Variants in PCDH9 observed in about 807,000 individuals in gnomAD.
PCDH9 encodes protocadherin-9.
PCDH9 carries 24 observed loss-of-function variants against 70.6 expected under a neutral mutation model. That is an observed-to-expected ratio of 0.34 (90% CI 0.25 to 0.48). PCDH9 has a LOEUF of 0.48. Among genes scored for constraint, PCDH9 ranks in the 20% least tolerant of loss-of-function variants. PCDH9 has a pLI of 0.99. For missense variants in PCDH9, 1,281 were observed against 1,503.6 expected (o/e 0.85, Z 2.45); for synonymous variants, 562 against 558.5 (o/e 1.01, Z -0.09).
In PCDH9 at chr13:66,481,997, C is replaced by T. The variant is rs529377728; in HGVS notation, c.3340+149213G>A. On this transcript the variant is annotated intron_variant, in intron 4 of 4. Coordinates refer to ENST00000377865, the MANE Select transcript of PCDH9 (RefSeq NM_203487.3). ...AATCAATCAACAGTGAAAAATAAAA[C>T]ACAAATTCTAAGTTCTTTAACCCAG... Among the ~76,000 whole-genome samples, 4 of 151,928 alleles carry T rather than the reference C, an allele frequency of 2.6e-5. No homozygotes were observed. In the South Asian group the frequency reaches 8.3e-4, roughly 32 times the overall value.
chr13:66,647,643 G>A (rs1297902067), intron 3 of PCDH9, among the ~76,000 whole-genome samples: 1 of 152,074 alleles, frequency 6.6e-6, no homozygotes, highest in Non-Finnish European at 1.5e-5. Flanking sequence ...GGCTATGGGA[G>A]AGAAAAATCT....
At chr13:66,907,031 C>A (rs2082373563) in intron 2 of PCDH9, among the ~76,000 whole-genome samples, 1 of 151,914 alleles carries the variant, frequency 6.6e-6, no homozygotes, top group Admixed American at 6.6e-5. Context: ...CATGGCAAAA[C>A]CCCGTCTACT....
chr13:66,412,240 C>T (rs1455155674), intron 4 of PCDH9, among the ~76,000 whole-genome samples: 2 of 152,180 alleles, frequency 1.3e-5, no homozygotes, highest in East Asian at 1.9e-4. Flanking sequence ...CAGCTCACTG[C>T]AGCCTCAGCC....
At chr13:66,353,720 A>C (rs1292664509) in intron 4 of PCDH9, among the ~76,000 whole-genome samples, 3 of 152,062 alleles carry the variant, frequency 2.0e-5, no homozygotes, top group African/African-American at 7.2e-5. Context: ...TAGTTGTAAA[A>C]TGTAATACAA....
chr13:66,829,700 A>G (rs2080888973), intron 3 of PCDH9, among the ~76,000 whole-genome samples: 2 of 122,300 alleles, frequency 1.6e-5, no homozygotes, highest in South Asian at 6.1e-4. Flanking sequence ...CCTGGGCGAC[A>G]GAGCGAGACT....
At chr13:66,698,879 G>A (rs2078597202) in intron 3 of PCDH9, among the ~76,000 whole-genome samples, 2 of 147,482 alleles carry the variant, frequency 1.4e-5, no homozygotes, top group African/African-American at 2.5e-5. Context: ...GAGACACTTC[G>A]CCCGGCTCAA....
At chr13:66,764,562 A>G (rs1230694969) in intron 3 of PCDH9, among the ~76,000 whole-genome samples, 1 of 152,088 alleles carries the variant, frequency 6.6e-6, no homozygotes, top group African/African-American at 2.4e-5. Context: ...GCATAATGTA[A>G]TTTTAGAATT....
At chr13:66,553,613 T>C (rs1040642213) in intron 4 of PCDH9, among the ~76,000 whole-genome samples, 1 of 152,158 alleles carries the variant, frequency 6.6e-6, no homozygotes, top group Non-Finnish European at 1.5e-5. Flanking sequence ...TCAACAGAAA[T>C]GTGATTTGAG....
chr13:66,580,566 T>C (rs1188139121), intron 4 of PCDH9, among the ~76,000 whole-genome samples: 1 of 151,786 alleles, frequency 6.6e-6, no homozygotes, highest in Non-Finnish European at 1.5e-5. Flanking sequence ...TCTGGGGTGA[T>C]AAAACTGTTG....
intron 3 of PCDH9, among the ~76,000 whole-genome samples, chr13:66,828,686 G>A (rs1436048372): frequency 1.3e-5 from 2 of 151,970 alleles, no homozygotes; most frequent in African/African-American, 2.4e-5. Flanking sequence ...TTAAGAAAAA[G>A]AGACAGAGAG....
chr13:66,388,520 A>AT (rs1956967894), intron 4 of PCDH9, among the ~76,000 whole-genome samples: 1 of 152,066 alleles, frequency 6.6e-6, no homozygotes, highest in Non-Finnish European at 1.5e-5. Context: ...GGCTTTGAAA[A>AT]TTTATAGGGT....
rs141598855 is a variant in PCDH9 at position 66,373,539 on chromosome 13, G to A, written c.3341-68511C>T. ...AAATTTTTTAATTAAAAAAGAAAAG[G>A]AAAGAAAAAATGAAAGATGAAGAAA... On this transcript the variant is annotated intron_variant, in intron 4 of 4. Transcript: ENST00000377865. Among the ~76,000 whole-genome samples, 876 of 151,676 alleles carry A rather than the reference G, an allele frequency of 5.8e-3. 9 individuals carry two copies. The highest frequency in any genetic ancestry group is 0.02 in the African/African-American group (824 of 41,380).
At chr13:66,905,714 T>C (rs1394848207) in intron 2 of PCDH9, among the ~76,000 whole-genome samples, 1 of 151,542 alleles carries the variant, frequency 6.6e-6, no homozygotes, top group African/African-American at 2.4e-5. Flanking sequence ...GAAAAAAAAA[T>C]CCTATATTTG....
At chr13:67,081,937 T>G (rs1473374864) in intron 2 of PCDH9, among the ~76,000 whole-genome samples, 3 of 152,198 alleles carry the variant, frequency 2.0e-5, no homozygotes, top group Admixed American at 6.6e-5. Context: ...TGGGGCCTGA[T>G]TGGCATAAGA....
intron 2 of PCDH9, among the ~76,000 whole-genome samples, chr13:67,142,121 A>T (rs2138361291): frequency 6.6e-6 from 1 of 152,332 alleles, no homozygotes; most frequent in Middle Eastern, 3.4e-3. Context: ...ACATGGAAAT[A>T]TCAGAATATG....
intron 2 of PCDH9, among the ~76,000 whole-genome samples, chr13:66,968,519 G>T (rs1389948673): frequency 6.6e-6 from 1 of 151,846 alleles, no homozygotes; most frequent in African/African-American, 2.4e-5. Context: ...TTCTTTTATT[G>T]GTTTCTTGTA....
chr13:67,036,136 A>G (rs973771046), intron 2 of PCDH9, among the ~76,000 whole-genome samples: 4 of 152,322 alleles, frequency 2.6e-5, no homozygotes, highest in African/African-American at 7.2e-5. Flanking sequence ...CAAACAAACA[A>G]AAAACATAAA....
At position 66,963,841 on chromosome 13, in the gene PCDH9, A is replaced by G. The variant is rs2083389042; in HGVS notation, c.3037-60236T>C. On this transcript the variant is annotated intron_variant, in intron 2 of 4. Coordinates refer to ENST00000377865, the MANE Select transcript of PCDH9 (RefSeq NM_203487.3). Reference sequence around the variant, plus strand: ...AAGCAGAGAAACTTGTTTGTTTCTGACCTTGTGAATAGTAACAATTATGAT... The same window carrying G: ...AAGCAGAGAAACTTGTTTGTTTCTGGCCTTGTGAATAGTAACAATTATGAT... 2.6e-5 allele frequency among the ~76,000 whole-genome samples: 4 copies of G among 152,158 alleles called. No homozygotes were observed. The South Asian group carries it at 8.3e-4, about 31-fold the overall frequency.
intron 3 of PCDH9, among the ~76,000 whole-genome samples, chr13:66,639,961 G>A (rs1018769025): frequency 6.6e-5 from 10 of 152,038 alleles, no homozygotes; most frequent in African/African-American, 1.7e-4. Context: ...GCAGAATTTT[G>A]CATCTATTAA....
Sources: allele counts gnomAD v4.1 joint callset (sites outside exome capture counted in the v4.1 genomes callset), GRCh38; gene constraint gnomAD v4.1.1; transcripts MANE v1.5; gene names NCBI Gene and HGNC (gene_info 2026-07-23, HGNC 2026-07-21).